Variants in TJAP1 observed in about 807,000 individuals in gnomAD.
TJAP1 encodes the protein tight junction associated protein 1.
Under a neutral mutation model 42.0 loss-of-function variants are expected in TJAP1, and 27 were observed. The observed-to-expected ratio is 0.64, with a 90% CI of 0.47 to 0.89. The LOEUF is 0.89. TJAP1 is among the 40% of genes least tolerant of loss of function. The pLI is 0.00. For synonymous variants in TJAP1, 257 were observed against 288.4 expected, an observed-to-expected ratio of 0.89 and a Z score of 1.10; for missense variants, 712 against 726.9, an observed-to-expected ratio of 0.98 and a Z score of 0.24.
intron 5 of TJAP1, 155 bp downstream of exon 5, chr6:43,500,927 G>T: frequency 1.2e-6 from 1 of 822,992 alleles, no homozygotes; most frequent in Non-Finnish European, 2.0e-6. Context: ...TGTTGATGTT[G>T]TGGATATTTT....
chr6:43,504,366 C>T (rs1021174435), intron 10 of TJAP1: 6 of 234,028 alleles, frequency 2.6e-5, no homozygotes, highest in African/African-American at 4.5e-5. Context: ...CCACCCGCCT[C>T]GGCCTCCCAA....
intron 4 of TJAP1, among the ~76,000 whole-genome samples, chr6:43,499,590 C>T (rs1338688328): frequency 5.3e-5 from 8 of 152,232 alleles, no homozygotes; most frequent in Non-Finnish European, 2.9e-5. Context: ...TGAATATGTA[C>T]TCCCTGCCAG....
At chr6:43,504,673 T>TA in intron 10 of TJAP1, 88 bp from the exon 11 acceptor site, 1 of 1,518,156 alleles carries the variant, frequency 6.6e-7, no homozygotes, top group Middle Eastern at 1.8e-4. Flanking sequence ...CAGAGGTACT[T>TA]AAAGGTGGGA....
At chr6:43,489,437 G>A (rs1382275724) in intron 2 of TJAP1, 5 of 152,280 alleles carry the variant, frequency 3.3e-5, no homozygotes, top group African/African-American at 9.6e-5. Context: ...TGTGCTTTCC[G>A]ACGCAGCCCT....
chr6:43,479,823 G>T (rs765417563), intron 2 of TJAP1, among the ~76,000 whole-genome samples: 1 of 151,962 alleles, frequency 6.6e-6, no homozygotes, highest in Non-Finnish European at 1.5e-5. Context: ...TACAAAAATC[G>T]GCTGGGCGTG....
At chr6:43,504,880 C>T (rs754196370) in exon 11 of TJAP1, 9 of 1,614,106 alleles carry the variant, frequency 5.6e-6, no homozygotes, top group Non-Finnish European at 7.6e-6. Flanking sequence ...CAGTCATTGC[C>T]CGAGTGTTAG....
At chr6:43,502,867 T>G in intron 8 of TJAP1, 1 of 579,864 alleles carries the variant, frequency 1.7e-6, no homozygotes, top group Non-Finnish European at 3.1e-6. Context: ...GCTTCTTGGC[T>G]CCAGTGGCAG....
At chr6:43,490,272 C>A (rs1355439023) in intron 2 of TJAP1, among the ~76,000 whole-genome samples, 3 of 152,244 alleles carry the variant, frequency 2.0e-5, no homozygotes, top group Non-Finnish European at 4.4e-5. Context: ...CTGACCACCC[C>A]CCACCGTCAC....
At chr6:43,501,952 CT>C (rs1790890838) in intron 6 of TJAP1, among the ~76,000 whole-genome samples, 3 of 147,822 alleles carry the variant, frequency 2.0e-5, no homozygotes, top group Non-Finnish European at 3.0e-5. Flanking sequence ...CTCTCTCTCT[CT>C]CTCCTTTCAT....
exon 6 of TJAP1, chr6:43,501,581 C>A: frequency 6.2e-7 from 1 of 1,614,088 alleles, no homozygotes; most frequent in Non-Finnish European, 8.5e-7. Flanking sequence ...CGCCACCAGA[C>A]GCACTGAGGC....
At chr6:43,485,979 T>G (rs1020706890) in intron 2 of TJAP1, among the ~76,000 whole-genome samples, 3 of 152,000 alleles carry the variant, frequency 2.0e-5, no homozygotes, top group Non-Finnish European at 2.9e-5. Flanking sequence ...TTTTTTTTTT[T>G]TTCTTTTTTT....
chr6:43,481,482 A>AC (rs60749220), intron 2 of TJAP1, among the ~76,000 whole-genome samples: 17,845 of 123,266 alleles, frequency 0.14, 1,505 homozygotes, highest in Non-Finnish European at 0.21. Context: ...GCAAGACATC[A>AC]CCCCCCCCCC....
At chr6:43,504,401 C>T (rs190122763) in intron 10 of TJAP1, 2 of 267,844 alleles carry the variant, frequency 7.5e-6, no homozygotes, top group East Asian at 9.0e-5. Flanking sequence ...AGGCATGAGC[C>T]ACTGTGCCCG....
intron 5 of TJAP1, chr6:43,500,981 C>G (rs887598561): frequency 1.7e-6 from 1 of 599,854 alleles, no homozygotes; most frequent in Non-Finnish European, 2.9e-6. Flanking sequence ...TTCAAGAGAG[C>G]GTAGAATCAG....
At position 43,503,436 on chromosome 6, in the gene TJAP1, CTG is replaced by C; in HGVS notation, c.424_425del (p.Trp142GlyfsTer24). The C allele has an allele frequency of 6.2e-7, 1 of 1,614,062 alleles. No individual in the cohort carries two copies. The highest frequency in any genetic ancestry group is 8.5e-7 in the Non-Finnish European group (1 of 1,180,022). ...CTGAGATGGATAGGAAGACGCTGGA[CTG>C]GGAGATTGTGGAGCTGACCAACAAG... On this transcript the variant is annotated frameshift_variant, in exon 9 of 11. Transcript: ENST00000372449. LOFTEE classifies it high-confidence loss of function.
chr6:43,502,074 A>ACTCTCTCTCTCT (rs1419078417), intron 6 of TJAP1, among the ~76,000 whole-genome samples: 4 of 94,692 alleles, frequency 4.2e-5, no homozygotes, highest in African/African-American at 1.7e-4. Context: ...ACACACACAC[A>ACTCTCTCTCTCT]CACTCTCTCT....
In TJAP1 at chr6:43,505,823, C is replaced by G. The variant is rs762297968; in HGVS notation, c.1642C>G (p.Gln548Glu). ...CCTGCACCGCAAGGACAGCCTGACC[C>G]AGGCCCAGGAGCAGGGCAACCTGCT... is the stretch of plus-strand genomic sequence containing the variant. Residue 548 changes from glutamine to glutamate, a missense_variant, in exon 11 of 11, where the codon CAG (glutamine) becomes GAG (glutamate). This residue lies in a region of TJAP1 where 549 missense variants were observed against 528.2 expected (regional missense o/e 1.04). Transcript: ENST00000372449. This position sits in a 1 kb window ranked among gnomAD's most constrained non-coding sequence, Gnocchi z 5.5. The G allele has an allele frequency of 4.0e-6, 6 of 1,492,340 alleles. No homozygotes were observed. The East Asian group carries it at 1.2e-4, about 29-fold the overall frequency. 92.4% of individuals were successfully genotyped at this position (1,492,340 alleles called of 1,614,324 possible). A position where few individuals can be genotyped will look rare whatever the true frequency, so the allele number is the denominator to read the frequency against.
rs1788994286 is a variant in TJAP1, at chr6:43,495,919, G to A, written c.-121-1962G>A. ...CCCTACAGGATTGCTGGACACCCAA[G>A]TGCGTTTGTGTCCTCCCTGCCTGCC... On this transcript the variant is annotated intron_variant, in intron 2 of 10. Transcript: ENST00000372449. This position sits in a 1 kb window ranked among gnomAD's most constrained non-coding sequence, Gnocchi z 4.6. 6.6e-6 allele frequency among the ~76,000 whole-genome samples: 1 copy of A among 152,168 alleles called. No individual in the cohort carries two copies. The highest frequency in any genetic ancestry group is 2.1e-4 in the South Asian group (1 of 4,826).
At chr6:43,500,507 G>C (rs938701965) in intron 4 of TJAP1, 4 of 559,286 alleles carry the variant, frequency 7.2e-6, no homozygotes, top group South Asian at 2.3e-5. Flanking sequence ...TTTAGGATTG[G>C]ATTAAGGGTG....
Sources: allele counts gnomAD v4.1 joint callset (sites outside exome capture counted in the v4.1 genomes callset), GRCh38; gene constraint gnomAD v4.1.1; regional missense constraint gnomAD v4.1.1; non-coding constraint Gnocchi (gnomAD v3.1); transcripts MANE v1.5; gene names NCBI Gene and HGNC (gene_info 2026-07-23, HGNC 2026-07-21).